The following COL23A1 variants were observed in gnomAD, a reference collection of about 807,000 sequenced individuals.
COL23A1 encodes collagen type XXIII alpha 1 chain, also known as collagen alpha-1(XXIII) chain.
In COL23A1, 97 loss-of-function variants were observed where a neutral mutation model predicts 99.3. The ratio of observed to expected loss-of-function variants is 0.98; its 90% confidence interval spans 0.83 to 1.16. The LOEUF is 1.16. Among genes scored for constraint, COL23A1 ranks in the 50% most tolerant of loss-of-function variants. The pLI, the probability that COL23A1 is intolerant of heterozygous loss-of-function variation, is 0.00. For missense variants in COL23A1, 762 were observed against 757.4 expected (o/e 1.01, Z -0.07); for synonymous variants, 320 against 308.2 (o/e 1.04, Z -0.40).
intron 2 of COL23A1, among the ~76,000 whole-genome samples, chr5:178,386,440 A>C (rs746116571): frequency 7.1e-4 from 32 of 45,154 alleles, no homozygotes; most frequent in Non-Finnish European, 1.4e-3. Context: ...CTCCGTCTCC[A>C]AAAAAAAAAA....
intron 2 of COL23A1, among the ~76,000 whole-genome samples, chr5:178,346,241 G>C (rs1339306014): frequency 6.6e-6 from 1 of 151,902 alleles, no homozygotes; most frequent in African/African-American, 2.4e-5. Flanking sequence ...GTTGTTGTTT[G>C]TTTGTTTTTT....
intron 2 of COL23A1, among the ~76,000 whole-genome samples, chr5:178,550,615 A>G (rs1369366260): frequency 6.6e-6 from 1 of 152,176 alleles, no homozygotes; most frequent in African/African-American, 2.4e-5. Context: ...TATTTTTTAC[A>G]TTTAGATCTT....
chr5:178,267,247 C>G, intron 8 of COL23A1, 60 bp downstream of exon 8: 5 of 1,574,104 alleles, frequency 3.2e-6, no homozygotes, highest in Non-Finnish European at 3.5e-6. Context: ...GCCAGTTATG[C>G]CTCATTATTA....
chr5:178,562,236 C>T (rs1384239444), intron 1 of COL23A1: 2 of 231,780 alleles, frequency 8.6e-6, no homozygotes, highest in South Asian at 4.3e-5. Context: ...AGCGAGACTC[C>T]ATCTCAAAAA....
intron 2 of COL23A1, among the ~76,000 whole-genome samples, chr5:178,405,274 C>G: frequency 6.6e-6 from 1 of 152,242 alleles, no homozygotes; most frequent in East Asian, 1.9e-4. Context: ...TCAGTAAGTT[C>G]TCTTTTGCTT....
chr5:178,263,362 G>T, intron 8 of COL23A1, 38 bp from the exon 9 acceptor site: 2 of 1,322,334 alleles, frequency 1.5e-6, no homozygotes, highest in South Asian at 1.4e-5. Flanking sequence ...CTGAGGGGGA[G>T]GGGGTCCAGC....
At chr5:178,273,688 G>A (rs1333538588) in intron 5 of COL23A1, among the ~76,000 whole-genome samples, 1 of 152,178 alleles carries the variant, frequency 6.6e-6, no homozygotes, top group East Asian at 1.9e-4. Flanking sequence ...CTGGGACAGA[G>A]CCGACCCACA....
At chr5:178,390,310 G>A (rs1763899375) in intron 2 of COL23A1, among the ~76,000 whole-genome samples, 1 of 152,234 alleles carries the variant, frequency 6.6e-6, no homozygotes, top group Non-Finnish European at 1.5e-5. Context: ...TACGGTCATT[G>A]TAGCTACAAC....
Position 178,403,977 on chromosome 5 carries a change from G to A in COL23A1, c.362-97058C>T, listed in dbSNP as rs148974579. 3.3e-5 allele frequency among the ~76,000 whole-genome samples: 5 copies of A among 152,338 alleles called. No homozygotes were observed. The East Asian group carries it at 9.6e-4, about 29-fold the overall frequency. ...GAATGACGGATTTTTCTAAAGAGAA[G>A]TTCAAAGGATCTTTTCTGGCCTTTG... On this transcript the variant is annotated intron_variant, in intron 2 of 28. Coordinates refer to ENST00000390654, the MANE Select transcript of COL23A1 (RefSeq NM_173465.4).
At chr5:178,437,917 T>A (rs1475477994) in intron 2 of COL23A1, among the ~76,000 whole-genome samples, 1 of 152,082 alleles carries the variant, frequency 6.6e-6, no homozygotes, top group Non-Finnish European at 1.5e-5. Flanking sequence ...GCTGAGCTGC[T>A]CATGCCTGGT....
chr5:178,583,748 G>C (rs1763777198), intron 1 of COL23A1, among the ~76,000 whole-genome samples: 1 of 152,176 alleles, frequency 6.6e-6, no homozygotes, highest in Non-Finnish European at 1.5e-5. Context: ...GGGCATCCTT[G>C]AGAAATATGG....
intron 11 of COL23A1, among the ~76,000 whole-genome samples, chr5:178,261,117 A>G (rs1008785350): frequency 6.6e-6 from 1 of 152,252 alleles, no homozygotes; most frequent in Admixed American, 6.5e-5. Flanking sequence ...TGTTCTAAAA[A>G]TAAAATCTAT....
In COL23A1 at chr5:178,310,700, C is replaced by T. The variant is rs1758623319; in HGVS notation, c.362-3781G>A. Among the ~76,000 whole-genome samples, 1 of 151,992 alleles carries T rather than the reference C, an allele frequency of 6.6e-6. No homozygotes were observed. Among genetic ancestry groups the T allele is most frequent in the Non-Finnish European group, 1.5e-5 (1 of 67,988 alleles). On this transcript the variant is annotated intron_variant, in intron 2 of 28. Coordinates refer to ENST00000390654, the MANE Select transcript of COL23A1 (RefSeq NM_173465.4). The surrounding 1 kb of genome is among the most constrained non-coding windows in gnomAD (Gnocchi z 4.3). Reference sequence around the variant, plus strand: ...TCCCTTTGCTGGGGCTGGCTGTGCCCCAGGGCATCTGGGCCTGGTGTGGAG... The same window carrying T: ...TCCCTTTGCTGGGGCTGGCTGTGCCTCAGGGCATCTGGGCCTGGTGTGGAG...
chr5:178,300,721 G>GTATT (rs55980122), intron 3 of COL23A1, among the ~76,000 whole-genome samples: 19,493 of 145,800 alleles, frequency 0.13, 2,576 homozygotes, highest in African/African-American at 0.36. Flanking sequence ...GCTAGCTTTT[G>GTATT]TATTTATTTA....
chr5:178,375,970 G>A (rs965027202), intron 2 of COL23A1, among the ~76,000 whole-genome samples: 2 of 152,224 alleles, frequency 1.3e-5, no homozygotes, highest in Non-Finnish European at 2.9e-5. Context: ...GCCTCCAAAA[G>A]TGTTGGGATT....
chr5:178,305,500 G>A (rs4562060), intron 3 of COL23A1, among the ~76,000 whole-genome samples: 16,848 of 152,228 alleles, frequency 0.11, 1,091 homozygotes, highest in African/African-American at 0.18. Flanking sequence ...GCATTCATTC[G>A]TTCGCTGTTC....
At chr5:178,358,637 T>C (rs904320801) in intron 2 of COL23A1, among the ~76,000 whole-genome samples, 1 of 134,648 alleles carries the variant, frequency 7.4e-6, no homozygotes, top group Admixed American at 7.2e-5. Flanking sequence ...ATGTGTCTAG[T>C]GTGTGTGTGT....
intron 2 of COL23A1, among the ~76,000 whole-genome samples, chr5:178,393,096 G>A (rs79585106): frequency 0.01 from 1,575 of 152,352 alleles, 32 homozygotes; most frequent in African/African-American, 0.036. Flanking sequence ...ACTCCCAACC[G>A]TGCATTGTTG....
intron 5 of COL23A1, among the ~76,000 whole-genome samples, chr5:178,278,298 C>T (rs1756703216): frequency 6.6e-6 from 1 of 152,072 alleles, no homozygotes; most frequent in African/African-American, 2.4e-5. Context: ...CCCAGCCTCC[C>T]TGAGAGCTGC....
Sources: allele counts gnomAD v4.1 joint callset (sites outside exome capture counted in the v4.1 genomes callset), GRCh38; gene constraint gnomAD v4.1.1; non-coding constraint Gnocchi (gnomAD v3.1); transcripts MANE v1.5; gene names NCBI Gene and HGNC (gene_info 2026-07-23, HGNC 2026-07-21).